C3orf52: variants seen among roughly 807,000 people sequenced by gnomAD.
C3orf52 encodes TPA-induced transmembrane protein.
A neutral mutation model predicts 24.8 loss-of-function variants in C3orf52; 22 were observed. The ratio of observed to expected loss-of-function variants is 0.89; its 90% CI spans 0.63 to 1.27. C3orf52 has a LOEUF of 1.27. Among genes scored for constraint, C3orf52 ranks in the 50% most tolerant of loss-of-function variants. C3orf52 has a pLI of 0.00. For missense variants in C3orf52, 265 were observed against 260.7 expected (o/e 1.02, Z -0.11); for synonymous variants, 93 against 100.2 (o/e 0.93, Z 0.43).
Position 112,107,229 on chromosome 3 carries a change from G to GA in C3orf52, c.397-2312dup, listed in dbSNP as rs1386277945. On this transcript the variant is annotated intron_variant, in intron 3 of 5. Coordinates refer to ENST00000264848, the MANE Select transcript of C3orf52 (RefSeq NM_024616.3). ...TTAATAAAGGAAAGAAGGGAAGGAG[G>GA]AAGCAGAGAAGACTGGAAGGAAGGA... is the stretch of plus-strand genomic sequence containing the variant. 3.5e-4 allele frequency among the ~76,000 whole-genome samples: 53 copies of GA among 152,196 alleles called. 1 individual carries two copies. The highest frequency in any genetic ancestry group is 3.5e-3 in the Admixed American group (53 of 15,276).
intron 4 of C3orf52, chr3:112,123,661 GA>G: frequency 6.2e-7 from 1 of 1,614,104 alleles, no homozygotes; most frequent in Non-Finnish European, 8.5e-7. Context: ...GCTTTGCAGG[GA>G]ACATTCTCAT....
At chr3:112,123,730 G>C (rs2074247228) in intron 4 of C3orf52, 1 of 1,613,866 alleles carries the variant, frequency 6.2e-7, no homozygotes, top group Non-Finnish European at 8.5e-7. Flanking sequence ...TGATTGATGA[G>C]GGTATAGCAC....
At chr3:112,090,933 A>T (rs2073871443) in intron 1 of C3orf52, among the ~76,000 whole-genome samples, 1 of 152,130 alleles carries the variant, frequency 6.6e-6, no homozygotes, top group Non-Finnish European at 1.5e-5. Context: ...TTGTACTGGG[A>T]TGTCTTTTTC....
chr3:112,095,538 A>G (rs563814650), intron 2 of C3orf52, among the ~76,000 whole-genome samples: 2 of 152,254 alleles, frequency 1.3e-5, no homozygotes, highest in South Asian at 4.1e-4. Context: ...AGAGGAAGGT[A>G]TTTCACTTCC....
downstream of C3orf52, among the ~76,000 whole-genome samples, chr3:112,120,398 CTTG>C (rs1439124839): frequency 1.3e-5 from 2 of 152,358 alleles, no homozygotes; most frequent in East Asian, 3.9e-4. Context: ...AGCATTTCAA[CTTG>C]TTGTCAACAG....
intron 4 of C3orf52, among the ~76,000 whole-genome samples, chr3:112,124,984 T>C (rs1219166969): frequency 6.6e-6 from 1 of 152,236 alleles, no homozygotes; most frequent in African/African-American, 2.4e-5. Flanking sequence ...CTCAGCATGT[T>C]GTCTGTCATA....
At chr3:112,125,525 T>C (rs373532840) in intron 4 of C3orf52, among the ~76,000 whole-genome samples, 39 of 152,350 alleles carry the variant, frequency 2.6e-4, no homozygotes, top group African/African-American at 9.4e-4. Flanking sequence ...TCCAGCTCTC[T>C]TTCCCTCCTT....
At chr3:112,126,558 CAA>C (rs1283698807) in intron 4 of C3orf52, among the ~76,000 whole-genome samples, 2 of 152,166 alleles carry the variant, frequency 1.3e-5, no homozygotes, top group Non-Finnish European at 2.9e-5. Flanking sequence ...ATCTTTAATA[CAA>C]ATCTAATCAT....
chr3:112,130,137 A>C (rs923516784), downstream of C3orf52: 7 of 326,624 alleles, frequency 2.1e-5, no homozygotes, highest in East Asian at 5.7e-5. Context: ...GCACAAAGGT[A>C]CCTGAGATAG....
Position 112,117,687 on chromosome 3 carries a change from A to C in C3orf52, c.*1041A>C, listed in dbSNP as rs2074149338. 1 of 152,346 alleles carries C rather than the reference A, an allele frequency of 6.6e-6. No homozygotes were observed. The highest frequency in any genetic ancestry group is 2.4e-5 in the African/African-American group (1 of 41,576). The allele number at this position is 152,346 out of a possible 1,614,324, so 9.4% of individuals were successfully genotyped here. A position where few individuals can be genotyped will look rare whatever the true frequency, so the allele number is the denominator to read the frequency against. On this transcript the variant is annotated 3_prime_UTR_variant, in exon 6 of 6. Coordinates refer to ENST00000264848, the MANE Select transcript of C3orf52 (RefSeq NM_024616.3). Reference sequence around the variant, plus strand: ...ATACAAGAAGAACCACTCTTCTTTGAAAATAAACTCTTGGAAGCTTTTGCC... The same window carrying C: ...ATACAAGAAGAACCACTCTTCTTTGCAAATAAACTCTTGGAAGCTTTTGCC...
intron 5 of C3orf52, among the ~76,000 whole-genome samples, chr3:112,114,883 T>TAA (rs2074121117): frequency 6.6e-6 from 1 of 152,106 alleles, no homozygotes; most frequent in Admixed American, 6.5e-5. Context: ...AGGAAAGGTT[T>TAA]AAGAGGCTTC....
At chr3:112,122,368 T>TATA (rs1339768151), downstream of C3orf52, 1 of 152,210 alleles carries the variant, frequency 6.6e-6, no homozygotes, top group Non-Finnish European at 1.5e-5. Context: ...CAACAAATCT[T>TATA]TATCTATAAA....
intron 3 of C3orf52, among the ~76,000 whole-genome samples, 200 bp downstream of exon 3, chr3:112,103,165 A>C (rs1002335313): frequency 3.9e-5 from 6 of 152,194 alleles, no homozygotes; most frequent in African/African-American, 1.4e-4. Flanking sequence ...CTAAATGATG[A>C]GAACACATGG....
chr3:112,101,388 G>A (rs968601565), intron 2 of C3orf52, among the ~76,000 whole-genome samples: 1 of 152,180 alleles, frequency 6.6e-6, no homozygotes, highest in Non-Finnish European at 1.5e-5. Context: ...TACTAGGGAA[G>A]CTTATTGGAG....
chr3:112,122,623 CT>C (rs1423525626), downstream of C3orf52: 2 of 152,000 alleles, frequency 1.3e-5, no homozygotes, highest in African/African-American at 4.8e-5. Flanking sequence ...TTGCAGAGGG[CT>C]TTCTATTTAG....
downstream of C3orf52, among the ~76,000 whole-genome samples, chr3:112,119,111 G>C (rs763134330): frequency 6.6e-6 from 1 of 152,136 alleles, no homozygotes; most frequent in South Asian, 2.1e-4. Flanking sequence ...GTCTGGGCGC[G>C]GTGGCTCAAG....
Position 112,113,140 on chromosome 3 carries a change from T to C in C3orf52, c.644T>C (p.Leu215Pro). Reference protein sequence around the residue: ...SLGLDPTSLLLYE With the variant: ...SLGLDPTSLLPYE ...GGGCTTGATCCAACATCCCTCTTGC[T>C]CTATGGTAAGTAGAGCAAGTAAAGA... The change falls in exon 5 of 6, where the codon CTC (leucine) becomes CCC (proline). Residue 215 changes from leucine (L) to proline (P), a missense_variant. Leu to Pro is a moderately conservative substitution (Grantham distance 98, BLOSUM62 -3). Transcript: ENST00000264848. 6.2e-7 allele frequency: 1 copy of C among 1,602,982 alleles called. No individual in the cohort carries two copies. The highest frequency in any genetic ancestry group is 8.5e-7 in the Non-Finnish European group (1 of 1,175,048).
At chr3:112,086,640 C>T (rs1559968159) in intron 1 of C3orf52, 95 bp downstream of exon 1, 1 of 1,444,116 alleles carries the variant, frequency 6.9e-7, no homozygotes, top group East Asian at 2.5e-5. Context: ...TCCAGTCAGG[C>T]GGGGCGTCGA....
intron 1 of C3orf52, among the ~76,000 whole-genome samples, chr3:112,089,291 C>G (rs2107772803): frequency 6.6e-6 from 1 of 152,196 alleles, no homozygotes; most frequent in Non-Finnish European, 1.5e-5. Context: ...TTTGGGAGGC[C>G]AAGGCAGGTG....
Sources: allele counts gnomAD v4.1 joint callset (sites outside exome capture counted in the v4.1 genomes callset), GRCh38; gene constraint gnomAD v4.1.1; transcripts MANE v1.5; gene names NCBI Gene and HGNC (gene_info 2026-07-23, HGNC 2026-07-21).